WWOX: variants seen among roughly 807,000 people sequenced by gnomAD.
The protein encoded by WWOX is WW domain-containing oxidoreductase.
In WWOX, 69 loss-of-function variants were observed where a neutral mutation model predicts 46.2. The ratio of observed to expected loss-of-function variants is 1.49; its 90% CI spans 1.23 to 1.82. The LOEUF (loss-of-function observed/expected upper bound fraction) is 1.82, where lower values mean the gene tolerates loss of function less well. Ranked by LOEUF, WWOX falls within the 40% of genes most tolerant of loss-of-function variation. The probability of loss-of-function intolerance (pLI) is 0.00; values close to 1 mark genes in which losing one functional copy is unlikely to be tolerated. For missense variants in WWOX, 919 were observed against 542.6 expected, an observed-to-expected ratio of 1.69 and a Z score of -6.89; for synonymous variants, 359 against 202.6, an observed-to-expected ratio of 1.77 and a Z score of -6.56.
intron 8 of WWOX, among the ~76,000 whole-genome samples, chr16:78,455,765 G>T (rs1282910534): frequency 6.8e-6 from 1 of 147,252 alleles, no homozygotes; most frequent in Non-Finnish European, 1.5e-5. Context: ...ACATGAATTT[G>T]TAATGATGCC....
chr16:78,858,373 T>C (rs1396946086), intron 8 of WWOX, among the ~76,000 whole-genome samples: 1 of 152,178 alleles, frequency 6.6e-6, no homozygotes. Context: ...TGTGTATGTA[T>C]ATATATGTAT....
At chr16:78,826,951 AAT>A (rs1401012212) in intron 8 of WWOX, among the ~76,000 whole-genome samples, 1 of 152,044 alleles carries the variant, frequency 6.6e-6, no homozygotes, top group Non-Finnish European at 1.5e-5. Flanking sequence ...ACATTTTTTG[AAT>A]ATGTTTCTTC....
chr16:78,828,784 A>G (rs1389987384), intron 8 of WWOX, among the ~76,000 whole-genome samples: 2 of 152,120 alleles, frequency 1.3e-5, no homozygotes, highest in African/African-American at 4.8e-5. Flanking sequence ...CTCTATTGCA[A>G]TTGCCATTTA....
At chr16:79,173,726 T>A (rs1486894307) in intron 8 of WWOX, among the ~76,000 whole-genome samples, 1 of 151,664 alleles carries the variant, frequency 6.6e-6, no homozygotes, top group Non-Finnish European at 1.5e-5. Flanking sequence ...CATAGTATAT[T>A]CACTTAATGG....
At chr16:78,304,738 A>T (rs566989597) in intron 5 of WWOX, among the ~76,000 whole-genome samples, 10 of 152,332 alleles carry the variant, frequency 6.6e-5, no homozygotes, top group African/African-American at 2.2e-4. Context: ...GCAACCTTGT[A>T]CACATTTCCT....
chr16:78,901,599 C>A (rs1053002818), intron 8 of WWOX, among the ~76,000 whole-genome samples: 2 of 152,172 alleles, frequency 1.3e-5, no homozygotes, highest in African/African-American at 4.8e-5. Context: ...GTCATCCTCC[C>A]ACCTCAGCCT....
At chr16:78,922,827 C>A (rs1289286745) in intron 8 of WWOX, among the ~76,000 whole-genome samples, 3 of 152,122 alleles carry the variant, frequency 2.0e-5, no homozygotes, top group African/African-American at 7.2e-5. Flanking sequence ...GGGTCCCAGT[C>A]CTGGGCACCA....
intron 8 of WWOX, among the ~76,000 whole-genome samples, chr16:78,527,991 CTTTTTTTTTTT>C (rs71140808): frequency 1.1e-4 from 4 of 34,878 alleles, no homozygotes; most frequent in Non-Finnish European, 1.6e-4. Flanking sequence ...GGTACATGTC[CTTTTTTTTTTT>C]TTTTTTTTTT....
chr16:78,327,633 A>C (rs542005445), intron 5 of WWOX, among the ~76,000 whole-genome samples: 3 of 152,206 alleles, frequency 2.0e-5, no homozygotes, highest in African/African-American at 7.2e-5. Context: ...AGATTCCACA[A>C]TCTTCTATTT....
intron 5 of WWOX, among the ~76,000 whole-genome samples, chr16:78,276,397 C>A (rs1016211012): frequency 2.0e-5 from 3 of 152,156 alleles, no homozygotes; most frequent in African/African-American, 2.4e-5. Context: ...TAATTATAAC[C>A]CAAGCGACAC....
At chr16:78,535,266 T>A (rs1036717087) in intron 8 of WWOX, 1 of 152,190 alleles carries the variant, frequency 6.6e-6, no homozygotes, top group East Asian at 1.9e-4. Flanking sequence ...GAATGATCAG[T>A]GATGGGGACC....
chr16:78,273,253 T>G (rs6564521), intron 5 of WWOX, among the ~76,000 whole-genome samples: 2,279 of 152,294 alleles, frequency 0.015, 63 homozygotes, highest in African/African-American at 0.053. Flanking sequence ...CCTCCACCTG[T>G]ACCCTGAATT....
chr16:78,124,569 ATAGCTC>A (rs2033274651), intron 4 of WWOX, among the ~76,000 whole-genome samples: 1 of 152,166 alleles, frequency 6.6e-6, no homozygotes, highest in African/African-American at 2.4e-5. Context: ...GCAGGTTCCA[ATAGCTC>A]GCTTTTAGTT....
At chr16:79,050,198 G>T (rs1212700074) in intron 8 of WWOX, among the ~76,000 whole-genome samples, 1 of 152,182 alleles carries the variant, frequency 6.6e-6, no homozygotes, top group South Asian at 2.1e-4. Flanking sequence ...GGGCTTGGCT[G>T]CCCTGCCCTA....
intron 8 of WWOX, among the ~76,000 whole-genome samples, chr16:79,085,229 G>A (rs1195095641): frequency 6.6e-6 from 1 of 152,120 alleles, no homozygotes; most frequent in African/African-American, 2.4e-5. Context: ...TCTGTTGGGA[G>A]CTATATTAGT....
At chr16:78,134,435 T>C (rs2033718994) in intron 4 of WWOX, among the ~76,000 whole-genome samples, 1 of 152,184 alleles carries the variant, frequency 6.6e-6, no homozygotes, top group Non-Finnish European at 1.5e-5. Flanking sequence ...GCCCCTCTTC[T>C]CTTAGTTGCC....
intron 8 of WWOX, among the ~76,000 whole-genome samples, chr16:78,951,764 A>G (rs2046065013): frequency 6.6e-6 from 1 of 152,072 alleles, no homozygotes; most frequent in African/African-American, 2.4e-5. Context: ...AGAGCCACAT[A>G]CTTACAGTTG....
At chr16:78,221,482 G>A (rs767243195) in intron 5 of WWOX, among the ~76,000 whole-genome samples, 1 of 147,596 alleles carries the variant, frequency 6.8e-6, no homozygotes, top group African/African-American at 2.4e-5. Context: ...GGTGGACTCT[G>A]TGGGTAGAGA....
At chr16:78,127,743 C>T (rs142513117) in intron 4 of WWOX, among the ~76,000 whole-genome samples, 13 of 152,258 alleles carry the variant, frequency 8.5e-5, no homozygotes, top group African/African-American at 3.1e-4. Flanking sequence ...TAGAAATGCT[C>T]AACTTTGCTG....
Sources: allele counts gnomAD v4.1 joint callset (sites outside exome capture counted in the v4.1 genomes callset), GRCh38; gene constraint gnomAD v4.1.1; transcripts MANE v1.5; gene names NCBI Gene and HGNC (gene_info 2026-07-23, HGNC 2026-07-21).